The following CACNA1C variants were observed in gnomAD, a reference collection of about 807,000 sequenced individuals.
CACNA1C encodes the protein calcium voltage-gated channel subunit alpha1 C.
Under a neutral mutation model 229.0 loss-of-function variants are expected in CACNA1C, and 30 were observed. The ratio of observed to expected loss-of-function variants is 0.13; its 90% CI spans 0.10 to 0.18. The LOEUF (loss-of-function observed/expected upper bound fraction) is 0.18. Among genes scored for constraint, CACNA1C ranks in the 10% least tolerant of loss-of-function variants. The probability of loss-of-function intolerance (pLI) is 1.00; values close to 1 mark genes in which losing one functional copy is unlikely to be tolerated. For missense variants in CACNA1C, 1,658 were observed against 2,845.0 expected (o/e 0.58, Z 9.49); for synonymous variants, 1,114 against 1,132.5 (o/e 0.98, Z 0.33).
rs931521412 is a variant in CACNA1C at position 2,029,246 on chromosome 12, A to G, written c.139+58045A>G. On this transcript the variant is annotated intron_variant, in intron 1 of 46. Coordinates refer to the CACNA1C transcript ENST00000682462. The surrounding 1 kb of genome is among the most constrained non-coding windows in gnomAD (Gnocchi z 4.9). ...AAGCCAGTTGTCATTCGTGGGGCCA[A>G]TATGTTGATGCTGCATTTATAAATT... 3.9e-5 allele frequency among the ~76,000 whole-genome samples: 6 copies of G among 152,236 alleles called. No individual in the cohort carries two copies. The highest frequency in any genetic ancestry group is 1.4e-4 in the African/African-American group (6 of 41,462).
chr12:2,679,737 G>A lies in CACNA1C; in HGVS notation c.5385G>A (p.Gly1795=), dbSNP rs1569224830. ...PSTVSTVEGH[G]PPLSPAIRVQ... is the part of the protein sequence containing the mutation. ...CGGTCAGCACTGTGGAGGGCCACGG[G>A]CCCCCCTTGTCCCCTGCCATCCGGG... is the stretch of plus-strand genomic sequence containing the variant. The change falls in exon 42 of 47, where the codon GGG becomes GGA. Residue 1795 remains glycine, a synonymous_variant. Transcript: ENST00000399655. This position sits in a 1 kb window ranked among gnomAD's most constrained non-coding sequence, Gnocchi z 5.5. The A allele has an allele frequency of 6.2e-7, 1 of 1,603,574 alleles. No individual in the cohort carries two copies.
chr12:2,324,100 A>T (rs181267613), intron 3 of CACNA1C, among the ~76,000 whole-genome samples: 530 of 152,274 alleles, frequency 3.5e-3, no homozygotes, highest in African/African-American at 0.012. Context: ...ATGTCCAGAG[A>T]ATTGTCAATC....
At chr12:1,984,205 T>C (rs928770558) in intron 1 of CACNA1C, among the ~76,000 whole-genome samples, 7 of 152,112 alleles carry the variant, frequency 4.6e-5, no homozygotes, top group African/African-American at 1.4e-4. Flanking sequence ...TTAATCACTA[T>C]GTTAGCCCAT....
intron 34 of CACNA1C, among the ~76,000 whole-genome samples, chr12:2,657,630 C>A (rs1182326107): frequency 6.6e-6 from 1 of 152,024 alleles, no homozygotes; most frequent in African/African-American, 2.4e-5. Flanking sequence ...GGAATAAGAA[C>A]AAAGATAATA....
chr12:2,211,110 C>T (rs1322281203), intron 3 of CACNA1C, among the ~76,000 whole-genome samples: 1 of 152,202 alleles, frequency 6.6e-6, no homozygotes. Context: ...CTACTGAAAA[C>T]CCAGGAATCA....
intron 3 of CACNA1C, among the ~76,000 whole-genome samples, chr12:2,224,373 CT>C (rs1245164893): frequency 5.3e-5 from 8 of 152,236 alleles, no homozygotes; most frequent in Admixed American, 1.3e-4. Context: ...GCTAATCCCC[CT>C]GGCGGAGCCT....
Position 2,567,610 on chromosome 12 carries a change from A to G in CACNA1C, c.1711A>G (p.Met571Val). The G allele has an allele frequency of 1.2e-6, 2 of 1,606,904 alleles. No homozygotes were observed. The highest frequency in any genetic ancestry group is 1.7e-6 in the Non-Finnish European group (2 of 1,176,674). Residue 571 changes from methionine (M) to valine (V), a missense_variant, in exon 13 of 47, where the codon ATG becomes GTG. Around this residue, in one of 20 missense-constraint regions of CACNA1C, gnomAD observed 149 missense variants for 194.2 expected, o/e 0.77. Transcript: ENST00000399655. The part of the protein sequence containing the change: ...KALLALFTAE[M>V]LLKMYSLGLQ... ...CCTGCTGGCCCTGTTCACGGCAGAG[A>G]TGCTCCTGAAGATGTACAGCCTGGG...
chr12:2,344,641 C>G (rs1313024730), intron 3 of CACNA1C, among the ~76,000 whole-genome samples: 1 of 152,108 alleles, frequency 6.6e-6, no homozygotes, highest in African/African-American at 2.4e-5. Flanking sequence ...TGGGCCCTCA[C>G]CTTGCTTTAT....
intron 1 of CACNA1C, among the ~76,000 whole-genome samples, chr12:2,112,089 T>C (rs747163344): frequency 1.3e-5 from 2 of 151,790 alleles, no homozygotes; most frequent in Non-Finnish European, 2.9e-5. Flanking sequence ...GAGGCAGGGG[T>C]AGAGTCTAGC....
At position 2,153,562 on chromosome 12, in the gene CACNA1C, C is replaced by G. The variant is rs557202162; in HGVS notation, c.477+33132C>G. Among the ~76,000 whole-genome samples, 6 of 152,268 alleles carry G rather than the reference C, an allele frequency of 3.9e-5. No individual in the cohort carries two copies. The East Asian group carries it at 1.2e-3, about 29-fold the overall frequency. On this transcript the variant is annotated intron_variant, in intron 3 of 46. Coordinates refer to ENST00000399655, the MANE Select transcript of CACNA1C (RefSeq NM_000719.7). ...TGGGAACCTCATATAAGTGGAATCT[C>G]AGAGTATTTGTCCTTTTGTGACTGG... is the stretch of plus-strand genomic sequence containing the variant.
rs1214691793 is a variant in CACNA1C at position 2,612,083 on chromosome 12, G to A, written c.3828+70G>A. The A allele has an allele frequency of 2.6e-5, 24 of 925,728 alleles. No individual in the cohort carries two copies. In the East Asian group the frequency reaches 4.8e-4, roughly 19 times the overall value. The allele number at this position is 925,728 out of a possible 1,614,324, so 57.3% of individuals were successfully genotyped here. On this transcript the variant is annotated intron_variant, in intron 29 of 46. Transcript: ENST00000399655. ...GACAGAACGGGGAGGTGGGGTGCAG[G>A]TATTGAAGGCAGAATGAGGGGAAGA...
intron 3 of CACNA1C, among the ~76,000 whole-genome samples, chr12:2,310,843 A>T (rs1204122115): frequency 2.0e-5 from 3 of 152,204 alleles, no homozygotes; most frequent in African/African-American, 7.2e-5. Context: ...CCTAATGCAG[A>T]TGGAGTTTTC....
At chr12:2,167,459 T>C (rs1443820081) in intron 3 of CACNA1C, among the ~76,000 whole-genome samples, 2 of 152,252 alleles carry the variant, frequency 1.3e-5, no homozygotes, top group Non-Finnish European at 2.9e-5. Flanking sequence ...GTGTAGAGAC[T>C]ATGGATTCTA....
chr12:2,115,851 A>C (rs1342814973), intron 2 of CACNA1C, among the ~76,000 whole-genome samples: 1 of 152,256 alleles, frequency 6.6e-6, no homozygotes, highest in Non-Finnish European at 1.5e-5. Context: ...CAGCCTAAGA[A>C]GTTATGAAAT....
chr12:2,123,117 C>G (rs945379249), intron 3 of CACNA1C, among the ~76,000 whole-genome samples: 1 of 152,214 alleles, frequency 6.6e-6, no homozygotes, highest in African/African-American at 2.4e-5. Flanking sequence ...TGGCCCATGC[C>G]TGTAATCCCA....
At chr12:2,005,137 G>C (rs2043153600) in intron 1 of CACNA1C, among the ~76,000 whole-genome samples, 1 of 142,174 alleles carries the variant, frequency 7.0e-6, no homozygotes, top group African/African-American at 2.7e-5. Context: ...TGCACTCTCA[G>C]TTACAAAAGA....
chr12:2,065,601 C>T lies in CACNA1C; in HGVS notation c.49+11990C>T, dbSNP rs76787084. 3.9e-4 allele frequency among the ~76,000 whole-genome samples: 60 copies of T among 152,242 alleles called. 1 individual carries two copies. The East Asian group carries it at 0.012, about 29-fold the overall frequency. ...GATTTATGCCTAGACACACAGACAT[C>T]CGCAACTGTAATAAAAGGCAGAACA... On this transcript the variant is annotated intron_variant, in intron 1 of 46. Transcript: ENST00000399655.
intron 5 of CACNA1C, among the ~76,000 whole-genome samples, chr12:2,471,048 T>C (rs189112773): frequency 1.3e-5 from 2 of 152,330 alleles, no homozygotes; most frequent in Admixed American, 6.5e-5. Context: ...GCCAGGCAGG[T>C]CTTGAATTCC....
At chr12:2,036,622 C>A (rs56088348) in intron 1 of CACNA1C, among the ~76,000 whole-genome samples, 7,164 of 152,196 alleles carry the variant, frequency 0.047, 257 homozygotes, top group Middle Eastern at 0.078. Flanking sequence ...TGCGCCACCA[C>A]GCCCGGCTAA....
Sources: gnomAD v4.1 joint callset for allele counts (sites outside exome capture counted in the v4.1 genomes callset) on GRCh38, gnomAD v4.1.1 for gene constraint, gnomAD v4.1.1 regional missense constraint, Gnocchi (gnomAD v3.1) non-coding constraint, MANE v1.5 for transcripts, NCBI Gene and HGNC (gene_info 2026-07-23, HGNC 2026-07-21) for gene names.